The following TMEM132D variants were observed in gnomAD, a reference collection of about 807,000 sequenced individuals.
TMEM132D encodes the protein mature OL transmembrane protein.
Under a neutral mutation model 62.3 loss-of-function variants are expected in TMEM132D, and 21 were observed. The observed-to-expected ratio is 0.34, with a 90% CI of 0.24 to 0.49. The LOEUF is 0.49. Ranked by LOEUF, TMEM132D falls within the 20% of genes least tolerant of loss-of-function variation. TMEM132D has a pLI of 0.99. For missense variants in TMEM132D, 1,346 were observed against 1,402.8 expected (o/e 0.96, Z 0.65); for synonymous variants, 621 against 575.6 (o/e 1.08, Z -1.13).
chr12:129,881,206 C>G (rs1409412038), intron 1 of TMEM132D, among the ~76,000 whole-genome samples: 1 of 151,956 alleles, frequency 6.6e-6, no homozygotes, highest in African/African-American at 2.4e-5. Context: ...AAAATACATT[C>G]AGCCACAACT....
chr12:129,537,191 A>G (rs1876420921), intron 2 of TMEM132D, among the ~76,000 whole-genome samples: 1 of 148,796 alleles, frequency 6.7e-6, no homozygotes. Context: ...TGCAACCTTT[A>G]TATAGGTTTT....
At chr12:129,312,097 G>A (rs1881990355) in intron 4 of TMEM132D, among the ~76,000 whole-genome samples, 2 of 152,218 alleles carry the variant, frequency 1.3e-5, no homozygotes, top group African/African-American at 4.8e-5. Context: ...GACTGGCGAG[G>A]AGACTTTTTA....
At chr12:129,293,590 C>T (rs1881499662) in intron 4 of TMEM132D, among the ~76,000 whole-genome samples, 1 of 151,964 alleles carries the variant, frequency 6.6e-6, no homozygotes, top group Non-Finnish European at 1.5e-5. Flanking sequence ...GAGTGGGAGC[C>T]CTGAGCTTGT....
chr12:129,223,480 C>G (rs560799641), intron 4 of TMEM132D, among the ~76,000 whole-genome samples: 1 of 152,128 alleles, frequency 6.6e-6, no homozygotes, highest in Non-Finnish European at 1.5e-5. Flanking sequence ...CAGAGGACCA[C>G]GTAGACTCTA....
chr12:129,641,516 G>A (rs566200148), intron 2 of TMEM132D, among the ~76,000 whole-genome samples: 38 of 152,148 alleles, frequency 2.5e-4, no homozygotes, highest in Admixed American at 9.8e-4. Flanking sequence ...TGCTACTAAC[G>A]CACATCCGTA....
intron 3 of TMEM132D, among the ~76,000 whole-genome samples, chr12:129,377,197 G>A (rs1407595956): frequency 6.6e-6 from 1 of 152,162 alleles, no homozygotes; most frequent in Admixed American, 6.6e-5. Flanking sequence ...GAAGGCATCG[G>A]GAGAAGGCAG....
intron 4 of TMEM132D, among the ~76,000 whole-genome samples, chr12:129,237,602 T>C (rs1879820033): frequency 6.6e-6 from 1 of 152,246 alleles, no homozygotes; most frequent in African/African-American, 2.4e-5. Context: ...TTATGCTTTG[T>C]AGGATGGCAA....
Position 129,318,372 on chromosome 12 carries a change from T to C in TMEM132D, c.1299+19262A>G, listed in dbSNP as rs368076013. Among the ~76,000 whole-genome samples, 27 of 152,318 alleles carry C rather than the reference T, an allele frequency of 1.8e-4. No individual in the cohort carries two copies. In the East Asian group the frequency reaches 1.9e-3, roughly 11 times the overall value. Reference sequence around the variant, plus strand: ...AATACTCTTCCCCTTTTCCTATGGATGTGGCTTCCTGTGAGCCAAACTGCA... The same window carrying C: ...AATACTCTTCCCCTTTTCCTATGGACGTGGCTTCCTGTGAGCCAAACTGCA... On this transcript the variant is annotated intron_variant, in intron 4 of 8. Coordinates refer to ENST00000422113, the MANE Select transcript of TMEM132D (RefSeq NM_133448.3).
chr12:129,446,193 T>C (rs974111349), intron 3 of TMEM132D, among the ~76,000 whole-genome samples: 1 of 152,036 alleles, frequency 6.6e-6, no homozygotes, highest in Non-Finnish European at 1.5e-5. Flanking sequence ...TGGAACTGGG[T>C]GGTCACAAAG....
chr12:129,195,616 C>G (rs569459152), intron 5 of TMEM132D, among the ~76,000 whole-genome samples: 25 of 152,216 alleles, frequency 1.6e-4, no homozygotes, highest in African/African-American at 4.8e-4. Flanking sequence ...CCAGGGAAGG[C>G]TTTGTGCAGA....
intron 2 of TMEM132D, among the ~76,000 whole-genome samples, chr12:129,695,996 T>C (rs984607204): frequency 6.6e-6 from 1 of 152,216 alleles, no homozygotes; most frequent in African/African-American, 2.4e-5. Flanking sequence ...CCAGGGCACA[T>C]TTTACCTGAA....
intron 1 of TMEM132D, among the ~76,000 whole-genome samples, chr12:129,882,489 C>T (rs568300630): frequency 2.6e-5 from 4 of 152,220 alleles, no homozygotes; most frequent in Admixed American, 2.6e-4. Flanking sequence ...TAATCCACCA[C>T]GTCATCCAGC....
At chr12:129,742,398 T>C (rs6650193) in intron 1 of TMEM132D, among the ~76,000 whole-genome samples, 77,646 of 151,696 alleles carry the variant, frequency 0.51, 20,582 homozygotes, top group Non-Finnish European at 0.59. Context: ...GAAGAAGAGG[T>C]CCCAGACTCT....
intron 1 of TMEM132D, among the ~76,000 whole-genome samples, chr12:129,814,904 A>C (rs1003471038): frequency 6.6e-6 from 1 of 152,128 alleles, no homozygotes; most frequent in African/African-American, 2.4e-5. Flanking sequence ...CGTTGCCTTC[A>C]CAGGGGCTGT....
intron 5 of TMEM132D, among the ~76,000 whole-genome samples, chr12:129,176,734 A>G (rs1314500019): frequency 6.6e-6 from 1 of 152,250 alleles, no homozygotes; most frequent in African/African-American, 2.4e-5. Flanking sequence ...GCTGAAGGGC[A>G]GCCAACGAGA....
chr12:129,451,382 T>C (rs1873283114), intron 3 of TMEM132D, among the ~76,000 whole-genome samples: 1 of 152,214 alleles, frequency 6.6e-6, no homozygotes, highest in Non-Finnish European at 1.5e-5. Flanking sequence ...CCTGCACGTG[T>C]CTTGCTTTCT....
At chr12:129,709,728 C>G (rs1282624549) in intron 1 of TMEM132D, among the ~76,000 whole-genome samples, 7 of 152,130 alleles carry the variant, frequency 4.6e-5, no homozygotes, top group African/African-American at 1.7e-4. Context: ...GGAGGTTTGA[C>G]CTAGTGGCCT....
At chr12:129,218,083 C>T (rs1879257638) in intron 4 of TMEM132D, among the ~76,000 whole-genome samples, 1 of 152,142 alleles carries the variant, frequency 6.6e-6, no homozygotes, top group South Asian at 2.1e-4. Context: ...TTTCATTTGT[C>T]TCATTTGTGG....
intron 1 of TMEM132D, among the ~76,000 whole-genome samples, chr12:129,815,330 C>T (rs1182674331): frequency 1.8e-4 from 28 of 152,168 alleles, no homozygotes; most frequent in Admixed American, 1.8e-3. Flanking sequence ...TGTGACTCTT[C>T]CAGGCATCGC....
Sources: gnomAD v4.1 joint callset for allele counts (sites outside exome capture counted in the v4.1 genomes callset) on GRCh38, gnomAD v4.1.1 for gene constraint, MANE v1.5 for transcripts, NCBI Gene and HGNC (gene_info 2026-07-23, HGNC 2026-07-21) for gene names.